Variants in MAGI1 observed in about 807,000 individuals in gnomAD.
MAGI1 encodes the protein membrane associated guanylate kinase, WW and PDZ domain containing 1, also known as membrane-associated guanylate kinase, WW and PDZ domain-containing protein 1.
In MAGI1, 58 loss-of-function variants were observed where a neutral mutation model predicts 139.9. That is an observed-to-expected ratio of 0.41 (90% CI 0.34 to 0.52). The LOEUF (loss-of-function observed/expected upper bound fraction) is 0.52. MAGI1 is among the 20% of genes least tolerant of loss of function. The probability of loss-of-function intolerance (pLI) is 0.12; values close to 1 mark genes in which losing one functional copy is unlikely to be tolerated. For synonymous variants in MAGI1, 812 were observed against 737.9 expected (o/e 1.10, Z -1.63); for missense variants, 1,874 against 1,901.6 (o/e 0.99, Z 0.27).
intron 1 of MAGI1, among the ~76,000 whole-genome samples, chr3:65,694,302 G>T (rs2088949944): frequency 6.6e-6 from 1 of 152,118 alleles, no homozygotes. Flanking sequence ...TAAGCAGTGT[G>T]CCTTGAGCAA....
chr3:65,957,350 C>CAAAAAAAAAAAAAA (rs1174740233), intron 1 of MAGI1, among the ~76,000 whole-genome samples: 1 of 91,512 alleles, frequency 1.1e-5, no homozygotes, highest in African/African-American at 4.2e-5. Context: ...CCTGTCTCTA[C>CAAAAAAAAAAAAAA]AAAAAAAAAA....
At chr3:65,659,766 T>C (rs1032766722) in intron 1 of MAGI1, among the ~76,000 whole-genome samples, 1 of 152,186 alleles carries the variant, frequency 6.6e-6, no homozygotes, top group African/African-American at 2.4e-5. Flanking sequence ...AGCCTGGATA[T>C]CAGCTGGAAC....
At chr3:65,470,245 G>T in intron 5 of MAGI1, 38 bp downstream of exon 5, 2 of 1,425,616 alleles carry the variant, frequency 1.4e-6, no homozygotes, top group South Asian at 1.2e-5. Flanking sequence ...GGAAAAGAAA[G>T]AGAGAGAGAT....
chr3:65,762,319 G>A (rs1295954145), intron 1 of MAGI1, among the ~76,000 whole-genome samples: 1 of 152,106 alleles, frequency 6.6e-6, no homozygotes, highest in Non-Finnish European at 1.5e-5. Flanking sequence ...TAAATAGTTG[G>A]TTAGTGATGA....
intron 5 of MAGI1, 123 bp downstream of exon 5, chr3:65,470,160 A>T (rs1487221124): frequency 4.7e-6 from 3 of 637,358 alleles, no homozygotes; most frequent in African/African-American, 1.8e-5. Flanking sequence ...AAACCTTATT[A>T]AAAAATACCA....
intron 1 of MAGI1, among the ~76,000 whole-genome samples, chr3:65,753,698 A>G (rs1168714626): frequency 1.4e-5 from 1 of 73,250 alleles, no homozygotes; most frequent in African/African-American, 7.7e-5. Context: ...ACTCCATCTC[A>G]AAAAAAAAAA....
Position 65,639,345 on chromosome 3 carries a change from T to C in MAGI1, c.314-17257A>G, listed in dbSNP as rs145524551. On this transcript the variant is annotated intron_variant, in intron 1 of 22. Transcript: ENST00000402939. Reference sequence around the variant, plus strand: ...ATGAAGTCTAATTTATCAATTTTTATGGTTATTTTTTCTCTATTATTAATT... The same window carrying C: ...ATGAAGTCTAATTTATCAATTTTTACGGTTATTTTTTCTCTATTATTAATT... 5.6e-3 allele frequency among the ~76,000 whole-genome samples: 860 copies of C among 152,334 alleles called. 8 individuals are homozygous for C. Among genetic ancestry groups the C allele is most frequent in the African/African-American group, 0.02 (828 of 41,580 alleles).
At chr3:65,557,638 T>C (rs1880524) in intron 2 of MAGI1, among the ~76,000 whole-genome samples, 63,800 of 152,118 alleles carry the variant, frequency 0.42, 14,405 homozygotes, top group East Asian at 0.68. Flanking sequence ...CTTGCTCCTT[T>C]TGCATATCTC....
intron 1 of MAGI1, among the ~76,000 whole-genome samples, chr3:65,776,934 T>C (rs1488660655): frequency 2.0e-5 from 3 of 152,206 alleles, no homozygotes; most frequent in Admixed American, 6.5e-5. Context: ...ATTTCTATTA[T>C]ACTACAGGTT....
intron 1 of MAGI1, among the ~76,000 whole-genome samples, chr3:65,878,353 C>T (rs1313780837): frequency 6.6e-6 from 1 of 151,886 alleles, no homozygotes; most frequent in East Asian, 1.9e-4. Flanking sequence ...CTCGTCTCGA[C>T]AGAAATACAA....
chr3:65,940,740 A>G (rs1264732825), intron 1 of MAGI1, among the ~76,000 whole-genome samples: 1 of 152,234 alleles, frequency 6.6e-6, no homozygotes, highest in African/African-American at 2.4e-5. Context: ...CAAGGAGTAA[A>G]CAAAATAAAT....
At chr3:65,862,315 A>G (rs546237634) in intron 1 of MAGI1, among the ~76,000 whole-genome samples, 2 of 152,296 alleles carry the variant, frequency 1.3e-5, no homozygotes, top group Non-Finnish European at 2.9e-5. Flanking sequence ...GTTGATGTGT[A>G]TTAAGTATTT....
intron 1 of MAGI1, among the ~76,000 whole-genome samples, chr3:65,801,346 C>T (rs779428682): frequency 6.6e-6 from 1 of 152,102 alleles, no homozygotes; most frequent in Non-Finnish European, 1.5e-5. Flanking sequence ...AAAGAAAATC[C>T]AAAGCTTTGA....
chr3:65,574,585 G>A lies in MAGI1; in HGVS notation c.430+47387C>T, dbSNP rs73132710. ...AATCCCAACCAAAATCCTACCATAC[G>A]TTTTGTCAAAATGGACAAAGTGATT... is the stretch of plus-strand genomic sequence containing the variant. On this transcript the variant is annotated intron_variant, in intron 2 of 22. Coordinates refer to ENST00000402939, the MANE Select transcript of MAGI1 (RefSeq NM_001033057.2). 3.8e-3 allele frequency among the ~76,000 whole-genome samples: 581 copies of A among 151,696 alleles called. 3 individuals carry two copies. The highest frequency in any genetic ancestry group is 0.014 in the Middle Eastern group (4 of 294).
chr3:65,584,149 G>T (rs181418406), intron 2 of MAGI1, among the ~76,000 whole-genome samples: 1 of 150,536 alleles, frequency 6.6e-6, no homozygotes, highest in East Asian at 2.0e-4. Flanking sequence ...TCCATGGAAG[G>T]TTGTTATCAA....
chr3:66,005,933 C>T (rs1172741664), intron 1 of MAGI1, among the ~76,000 whole-genome samples: 1 of 152,114 alleles, frequency 6.6e-6, no homozygotes, highest in Non-Finnish European at 1.5e-5. Flanking sequence ...GGGTTGGTTC[C>T]TGGACTGGAT....
chr3:65,429,639 C>T lies in MAGI1; in HGVS notation c.2048G>A (p.Gly683Glu). 2.5e-6 allele frequency: 4 copies of T among 1,613,974 alleles called. No homozygotes were observed. Among genetic ancestry groups the T allele is most frequent in the Non-Finnish European group, 3.4e-6 (4 of 1,179,948 alleles). ...CTTATTAACTTCCACTATGAGATCC[C>T]CTTCTTTCAGGCCTCGGCACCTTGG... ...DSPRCRGLKE[G>E]DLIVEVNKKN... The change falls in exon 12 of 23, where the codon GGG (glycine) becomes GAG (glutamate). Residue 683 changes from glycine (G) to glutamate (E), a missense_variant. Physicochemically the swap from Gly to Glu is moderately conservative, Grantham distance 98. Transcript: ENST00000402939.
chr3:66,008,311 G>C (rs968043167), intron 1 of MAGI1, among the ~76,000 whole-genome samples: 4 of 152,188 alleles, frequency 2.6e-5, no homozygotes, highest in East Asian at 3.9e-4. Context: ...TGCATCCCCA[G>C]ATAATTCACA....
chr3:65,573,198 A>G (rs753176273), intron 2 of MAGI1, among the ~76,000 whole-genome samples: 2 of 152,152 alleles, frequency 1.3e-5, no homozygotes, highest in African/African-American at 2.4e-5. Flanking sequence ...TGCACATATT[A>G]TACAACTCAT....
Sources: gnomAD v4.1 joint callset for allele counts (sites outside exome capture counted in the v4.1 genomes callset) on GRCh38, gnomAD v4.1.1 for gene constraint, MANE v1.5 for transcripts, NCBI Gene and HGNC (gene_info 2026-07-23, HGNC 2026-07-21) for gene names.